Variants in C11orf97 observed in about 807,000 individuals in gnomAD.
C11orf97 encodes the protein chromosome 11 open reading frame 97, also known as uncharacterized protein C11orf97.
C11orf97 carries 15 observed loss-of-function variants against 16.2 expected under a neutral mutation model. The ratio of observed to expected loss-of-function variants is 0.93; its 90% confidence interval spans 0.62 to 1.43. The LOEUF (loss-of-function observed/expected upper bound fraction) is 1.43. Among genes scored for constraint, C11orf97 ranks in the 40% most tolerant of loss-of-function variants. The pLI is 0.00. For synonymous variants in C11orf97, 61 were observed against 65.7 expected (o/e 0.93, Z 0.34); for missense variants, 171 against 161.2 (o/e 1.06, Z -0.33).
chr11:94,529,180 G>A (rs547984808), intron 3 of C11orf97, among the ~76,000 whole-genome samples: 51 of 152,280 alleles, frequency 3.3e-4, no homozygotes, highest in African/African-American at 1.2e-3. Context: ...TCAACCACTA[G>A]ACACTACTGC....
At chr11:94,516,214 C>T (rs112921217) in intron 1 of C11orf97, among the ~76,000 whole-genome samples, 4,971 of 152,244 alleles carry the variant, frequency 0.033, 138 homozygotes, top group Non-Finnish European at 0.046. Flanking sequence ...TCTGCATCCC[C>T]GTCAAATTGA....
intron 2 of C11orf97, among the ~76,000 whole-genome samples, chr11:94,523,576 T>C (rs573346151): frequency 6.6e-6 from 1 of 152,352 alleles, no homozygotes; most frequent in East Asian, 1.9e-4. Context: ...TTGAATGAGT[T>C]GACAGTGACA....
chr11:94,530,157 A>G (rs539346184), intron 3 of C11orf97, among the ~76,000 whole-genome samples: 2 of 152,350 alleles, frequency 1.3e-5, no homozygotes, highest in East Asian at 3.9e-4. Flanking sequence ...CCTTTCATCC[A>G]TACAATTTAA....
At chr11:94,512,873 T>C (rs563271111) in intron 1 of C11orf97, among the ~76,000 whole-genome samples, 200 bp downstream of exon 1, 2 of 152,122 alleles carry the variant, frequency 1.3e-5, no homozygotes, top group Non-Finnish European at 2.9e-5. Context: ...TCCTTCCCGA[T>C]AGCCTGCCTG....
At chr11:94,530,303 T>G (rs922149597) in intron 3 of C11orf97, among the ~76,000 whole-genome samples, 1 of 152,206 alleles carries the variant, frequency 6.6e-6, no homozygotes, top group Non-Finnish European at 1.5e-5. Flanking sequence ...TATTGACACA[T>G]AGCTTAGCTT....
At position 94,523,835 on chromosome 11, in the gene C11orf97, C is replaced by T. The variant is rs981797198; in HGVS notation, c.251-4249C>T. 1.1e-4 allele frequency among the ~76,000 whole-genome samples: 17 copies of T among 151,762 alleles called. No individual in the cohort carries two copies. In the South Asian group the frequency reaches 2.3e-3, roughly 20 times the overall value. On this transcript the variant is annotated intron_variant, in intron 2 of 3. Coordinates refer to ENST00000542198, the MANE Select transcript of C11orf97 (RefSeq NM_001190462.2). The stretch of plus-strand genomic sequence containing the variant: ...ACTTGTTCTTGTGGTCATATTGTGA[C>T]TATAGTTAATAAGGGCTGTGAAGAC...
chr11:94,528,044 A>C (rs2135185200), intron 2 of C11orf97, 40 bp from the exon 3 acceptor site: 1 of 1,492,492 alleles, frequency 6.7e-7, no homozygotes, highest in East Asian at 2.5e-5. Flanking sequence ...AAAAGAGAAT[A>C]CGCTAATAAT....
chr11:94,531,862 A>C, intron 3 of C11orf97, 34 bp from the exon 4 acceptor site: 1 of 1,409,026 alleles, frequency 7.1e-7, no homozygotes, highest in Non-Finnish European at 9.3e-7. Context: ...CCGAAGTAAA[A>C]CACTTATTTT....
intron 1 of C11orf97, among the ~76,000 whole-genome samples, chr11:94,513,956 C>T (rs1947588129): frequency 6.6e-6 from 1 of 152,166 alleles, no homozygotes; most frequent in Non-Finnish European, 1.5e-5. Context: ...TACAGGCACA[C>T]ACCACCATGC....
chr11:94,512,656 T>C lies in C11orf97; in HGVS notation c.128T>C (p.Leu43Pro). 8.0e-7 allele frequency: 1 copy of C among 1,246,228 alleles called. No individual in the cohort carries two copies. The highest frequency in any genetic ancestry group is 3.3e-5 in the South Asian group (1 of 30,254). 77.2% of individuals were successfully genotyped at this position (1,246,228 alleles called of 1,614,324 possible). Residue 43 changes from leucine to proline, a missense_variant, in exon 1 of 4, where the codon CTA (leucine) becomes CCA (proline). By Grantham distance (98) the Leu-to-Pro change is moderately conservative. Coordinates refer to ENST00000542198, the MANE Select transcript of C11orf97 (RefSeq NM_001190462.2). ...GARGEPGRGP[L>P]EHGQQWKKFL... ...CGCGGGGAACCCGGCCGCGGCCCCC[T>C]AGAGCACGGCCAGCAGTGTGAGTTC...
Sources: allele counts gnomAD v4.1 joint callset (sites outside exome capture counted in the v4.1 genomes callset), GRCh38; gene constraint gnomAD v4.1.1; transcripts MANE v1.5; gene names NCBI Gene and HGNC (gene_info 2026-07-23, HGNC 2026-07-21).